Variants in BRDT observed in about 807,000 individuals in gnomAD.
BRDT encodes the protein bromodomain testis-specific protein.
A neutral mutation model predicts 113.9 loss-of-function variants in BRDT; 77 were observed. The observed-to-expected ratio is 0.68, with a 90% CI of 0.56 to 0.82. The LOEUF is 0.82. Among genes scored for constraint, BRDT ranks in the 40% least tolerant of loss-of-function variants. The pLI, the probability that BRDT is intolerant of heterozygous loss-of-function variation, is 0.00. For missense variants in BRDT, 1,027 were observed against 1,105.4 expected, an observed-to-expected ratio of 0.93 and a Z score of 1.01; for synonymous variants, 358 against 366.5, an observed-to-expected ratio of 0.98 and a Z score of 0.26.
intron 1 of BRDT, among the ~76,000 whole-genome samples, chr1:91,957,752 C>T (rs1435930464): frequency 6.6e-6 from 1 of 152,156 alleles, no homozygotes; most frequent in Non-Finnish European, 1.5e-5. Context: ...CCTGAATATC[C>T]TCTGTGCTCT....
chr1:91,996,220 A>T (rs1686318992), intron 15 of BRDT, among the ~76,000 whole-genome samples: 1 of 152,036 alleles, frequency 6.6e-6, no homozygotes, highest in African/African-American at 2.4e-5. Flanking sequence ...TTGTATAGGA[A>T]GCATAATCAG....
intron 4 of BRDT, among the ~76,000 whole-genome samples, chr1:91,973,165 G>C (rs1683787430): frequency 6.6e-6 from 1 of 152,160 alleles, no homozygotes; most frequent in Non-Finnish European, 1.5e-5. Context: ...GCTAGAGTGA[G>C]GTAAGGGCAG....
intron 3 of BRDT, among the ~76,000 whole-genome samples, chr1:91,966,888 G>T (rs1417943755): frequency 6.6e-6 from 1 of 152,142 alleles, no homozygotes; most frequent in African/African-American, 2.4e-5. Flanking sequence ...GGCCAAGATG[G>T]TGAAACCCTG....
intron 4 of BRDT, among the ~76,000 whole-genome samples, chr1:91,970,910 C>CAAAAAA (rs56365341): frequency 1.8e-5 from 2 of 113,948 alleles, no homozygotes; most frequent in Non-Finnish European, 3.5e-5. Context: ...GACCCTTTCT[C>CAAAAAA]AAAAAAAAAA....
At chr1:92,004,763 T>G in intron 17 of BRDT, 144 bp downstream of exon 17, 1 of 717,992 alleles carries the variant, frequency 1.4e-6, no homozygotes, top group Non-Finnish European at 2.2e-6. Flanking sequence ...GTACATTTGA[T>G]ACTTTTTCTA....
intron 1 of BRDT, among the ~76,000 whole-genome samples, chr1:91,958,734 G>A (rs931101074): frequency 6.6e-6 from 1 of 152,078 alleles, no homozygotes; most frequent in Non-Finnish European, 1.5e-5. Flanking sequence ...AGATACCAGT[G>A]GAAAGTAATT....
At chr1:91,990,850 T>G (rs1453000188) in intron 12 of BRDT, among the ~76,000 whole-genome samples, 1 of 152,198 alleles carries the variant, frequency 6.6e-6, no homozygotes, top group East Asian at 1.9e-4. Context: ...CAGCCTGGAG[T>G]GCAGTGGCGT....
chr1:91,992,211 A>C, intron 13 of BRDT, 53 bp from the exon 14 acceptor site: 2 of 977,006 alleles, frequency 2.0e-6, no homozygotes, highest in Non-Finnish European at 2.9e-6. Flanking sequence ...AAATATAATC[A>C]CATGGTTAAG....
intron 1 of BRDT, among the ~76,000 whole-genome samples, chr1:91,961,783 A>T (rs1411466196): frequency 7.2e-5 from 11 of 152,038 alleles, no homozygotes; most frequent in Non-Finnish European, 1.6e-4. Context: ...TCCGACTAGG[A>T]ATTTATAGAC....
At chr1:91,964,592 TCTTA>T (rs1682857317) in intron 2 of BRDT, 31 bp from the exon 3 acceptor site, 1 of 1,283,470 alleles carries the variant, frequency 7.8e-7, no homozygotes, top group Non-Finnish European at 1.1e-6. Context: ...GTGTATTCAT[TCTTA>T]CTAACATTTA....
chr1:91,981,749 G>C lies in BRDT; in HGVS notation c.1996G>C (p.Glu666Gln). 6.2e-7 allele frequency: 1 copy of C among 1,613,208 alleles called. No homozygotes were observed. Among genetic ancestry groups the C allele is most frequent in the Non-Finnish European group, 8.5e-7 (1 of 1,179,574 alleles). Residue 666 changes from glutamate to glutamine, a missense_variant, in exon 12 of 19, where the codon GAA (glutamate) becomes CAA (glutamine). Glu to Gln is a conservative substitution (Grantham distance 29, BLOSUM62 2). Coordinates refer to ENST00000399546, the MANE Select transcript of BRDT (RefSeq NM_207189.4). The stretch of plus-strand genomic sequence containing the variant: ...AAGCTCTTCAGACAGCAGTGATTCT[G>C]AATCAGGTTAGCTGTCCCCTTAAAT... ...DLSSSDSSDS[E>Q]SEMFPKFTEV...
At chr1:91,993,527 A>G (rs930424738) in intron 14 of BRDT, among the ~76,000 whole-genome samples, 1 of 152,230 alleles carries the variant, frequency 6.6e-6, no homozygotes, top group African/African-American at 2.4e-5. Flanking sequence ...CATAGTAAAC[A>G]TTAAATAAAT....
chr1:91,996,181 T>C (rs1191544739), intron 15 of BRDT, among the ~76,000 whole-genome samples: 1 of 152,190 alleles, frequency 6.6e-6, no homozygotes, highest in Non-Finnish European at 1.5e-5. Context: ...TATATACAAA[T>C]TTGTATACTT....
intron 14 of BRDT, 92 bp downstream of exon 14, chr1:91,992,406 G>C: frequency 4.0e-6 from 1 of 252,328 alleles, no homozygotes; most frequent in Non-Finnish European, 6.6e-6. Flanking sequence ...ATAGCATGAA[G>C]AGAGGCAAAA....
intron 18 of BRDT, among the ~76,000 whole-genome samples, chr1:92,012,410 A>G (rs1687877629): frequency 6.6e-6 from 1 of 152,246 alleles, no homozygotes; most frequent in African/African-American, 2.4e-5. Flanking sequence ...AAGAGAATCT[A>G]AAATAAGCCA....
intron 3 of BRDT, among the ~76,000 whole-genome samples, chr1:91,966,027 TA>T (rs1323373048): frequency 3.3e-5 from 5 of 152,256 alleles, no homozygotes; most frequent in Admixed American, 1.3e-4. Context: ...AATTTTATTT[TA>T]TTTTTTTATT....
intron 12 of BRDT, among the ~76,000 whole-genome samples, chr1:91,990,553 A>C (rs971777173): frequency 2.0e-5 from 3 of 152,156 alleles, no homozygotes; most frequent in African/African-American, 7.2e-5. Flanking sequence ...GTTGCAACAT[A>C]TTCCTTTTTA....
intron 12 of BRDT, among the ~76,000 whole-genome samples, chr1:91,989,855 T>G (rs565469342): frequency 5.3e-5 from 8 of 152,192 alleles, no homozygotes; most frequent in Non-Finnish European, 8.8e-5. Context: ...ATTTAGCAAT[T>G]TTAACAATGT....
intron 12 of BRDT, among the ~76,000 whole-genome samples, chr1:91,983,855 T>C (rs906042617): frequency 5.3e-5 from 8 of 152,122 alleles, no homozygotes; most frequent in Non-Finnish European, 1.0e-4. Flanking sequence ...CTCATTTTTG[T>C]ATTTTTAGTA....
Sources: gnomAD v4.1 joint callset for allele counts (sites outside exome capture counted in the v4.1 genomes callset) on GRCh38, gnomAD v4.1.1 for gene constraint, MANE v1.5 for transcripts, NCBI Gene and HGNC (gene_info 2026-07-23, HGNC 2026-07-21) for gene names.